Variants in MLX observed in about 807,000 individuals in gnomAD.
MLX encodes the protein MAX dimerization protein MLX.
A neutral mutation model predicts 33.0 loss-of-function variants in MLX; 15 were observed. The observed-to-expected ratio is 0.45, with a 90% CI of 0.30 to 0.70. MLX has a LOEUF of 0.70. MLX is among the 30% of genes least tolerant of loss of function. MLX has a pLI of 0.07. For missense variants in MLX, 285 were observed against 306.3 expected, an observed-to-expected ratio of 0.93 and a Z score of 0.52; for synonymous variants, 115 against 115.6, an observed-to-expected ratio of 0.99 and a Z score of 0.03.
rs1236755728 is a variant in MLX, at chr17:42,567,131, G to A, written c.7G>A (p.Glu3Lys). 2.4e-6 allele frequency: 3 copies of A among 1,260,472 alleles called. No individual in the cohort carries two copies. Among genetic ancestry groups the A allele is most frequent in the Non-Finnish European group, 3.0e-6 (3 of 1,003,106 alleles). The allele number at this position is 1,260,472 out of a possible 1,614,324, so 78.1% of individuals were successfully genotyped here. A position where few individuals can be genotyped will look rare whatever the true frequency, so the allele number is the denominator to read the frequency against. ...CCGGTCCGGTGGGTACAAGATGACG[G>A]AGCCGGGCGCCTCTCCCGAGGACCC... MT[E>K]PGASPEDPWV... The change falls in exon 1 of 8, where the codon GAG becomes AAG. Residue 3 changes from glutamate (E) to lysine (K), a missense_variant. Physicochemically the swap from Glu to Lys is moderately conservative, Grantham distance 56. Coordinates refer to ENST00000435881, the MANE Select transcript of MLX (RefSeq NM_198204.2).
intron 7 of MLX, 133 bp from the exon 8 acceptor site, chr17:42,571,414 A>G: frequency 1.1e-6 from 1 of 938,486 alleles, no homozygotes; most frequent in Non-Finnish European, 1.7e-6. Context: ...GGCGTGAGCC[A>G]CCACACCTGG....
chr17:42,568,892 G>T lies in MLX; in HGVS notation c.225G>T (p.Arg75=). 1 of 1,611,550 alleles carries T rather than the reference G, an allele frequency of 6.2e-7. No individual in the cohort carries two copies. Among genetic ancestry groups the T allele is most frequent in the South Asian group, 1.1e-5 (1 of 90,676 alleles). The change falls in exon 4 of 8, where the codon CGG becomes CGT. Residue 75 remains arginine, a synonymous_variant. Coordinates refer to ENST00000435881, the MANE Select transcript of MLX (RefSeq NM_198204.2). ...CCTACAAGGAGTCCTACAAAGACCG[G>T]CGGCGGCGCGCACACACTCAGGCTG... is the stretch of plus-strand genomic sequence containing the variant. ...QEAYKESYKD[R]RRRAHTQAEQ...
intron 3 of MLX, 60 bp from the exon 4 acceptor site, chr17:42,568,777 G>A: frequency 1.4e-6 from 2 of 1,443,334 alleles, no homozygotes. Flanking sequence ...GGAAAGGTGG[G>A]CTAGCTGGAC....
chr17:42,569,198 C>T lies in MLX; in HGVS notation c.277-6C>T. 1 of 1,613,506 alleles carries T rather than the reference C, an allele frequency of 6.2e-7. No individual in the cohort carries two copies. Among genetic ancestry groups the T allele is most frequent in the Non-Finnish European group, 8.5e-7 (1 of 1,179,558 alleles). ...AAAGAACCCATTTCCCCTGCTGTTT[C>T]CACAGAGAGGCTATGATGACCTTCA... On this transcript the variant is annotated splice_region_variant and splice_polypyrimidine_tract_variant and intron_variant, in intron 4 of 7. Coordinates refer to ENST00000435881, the MANE Select transcript of MLX (RefSeq NM_198204.2).
Position 42,567,180 on chromosome 17 carries a change from G to T in MLX, c.42+14G>T. On this transcript the variant is annotated intron_variant, in intron 1 of 7. Coordinates refer to ENST00000435881, the MANE Select transcript of MLX (RefSeq NM_198204.2). ...CCTTGGGTCAAGGCAAGCCCCGTGG[G>T]CGCGCACGCCGGCGAGGGGAGGGCG... is the stretch of plus-strand genomic sequence containing the variant. 1 of 1,294,136 alleles carries T rather than the reference G, an allele frequency of 7.7e-7. No individual in the cohort carries two copies. 80.2% of individuals were successfully genotyped at this position (1,294,136 alleles called of 1,614,324 possible). A position where few individuals can be genotyped will look rare whatever the true frequency, so the allele number is the denominator to read the frequency against.
rs2093034414 is a variant in MLX at position 42,571,816 on chromosome 17, A to C, written c.*213A>C. ...TTCTGATTAATTTATTATATTGACG[A>C]TAAAACTCAAACCTACCCAGCCTTC... is the stretch of plus-strand genomic sequence containing the variant. On this transcript the variant is annotated 3_prime_UTR_variant, in exon 8 of 8. Transcript: ENST00000435881. 3.5e-6 allele frequency: 2 copies of C among 573,228 alleles called. No individual in the cohort carries two copies. The highest frequency in any genetic ancestry group is 6.2e-6 in the Non-Finnish European group (2 of 320,620). 35.5% of individuals were successfully genotyped at this position (573,228 alleles called of 1,614,324 possible). A position where few individuals can be genotyped will look rare whatever the true frequency, so the allele number is the denominator to read the frequency against.
chr17:42,567,721 G>T, intron 2 of MLX, 66 bp downstream of exon 2: 1 of 1,609,662 alleles, frequency 6.2e-7, no homozygotes. Context: ...GATTCTTGTG[G>T]CGTTGCCAAC....
intron 3 of MLX, 40 bp from the exon 4 acceptor site, chr17:42,568,796 GC>G (rs2093019470): frequency 3.3e-6 from 5 of 1,533,618 alleles, no homozygotes; most frequent in Non-Finnish European, 3.6e-6. Flanking sequence ...ACCCCACTGG[GC>G]CCCAAGATGA....
In MLX at chr17:42,571,753, TA is replaced by T; in HGVS notation, c.*151del. Reference sequence around the variant, plus strand: ...TGTTTGGTTTTTCCCAGCCCCATTTTATCTTCAGCGGAGCCGCGGTGTTTGT... The same window carrying T: ...TGTTTGGTTTTTCCCAGCCCCATTTTTCTTCAGCGGAGCCGCGGTGTTTGT... On this transcript the variant is annotated 3_prime_UTR_variant, in exon 8 of 8. Transcript: ENST00000435881. 1.4e-6 allele frequency: 1 copy of T among 736,654 alleles called. No homozygotes were observed. The highest frequency in any genetic ancestry group is 2.4e-6 in the Non-Finnish European group (1 of 417,114). 45.6% of individuals were successfully genotyped at this position (736,654 alleles called of 1,614,324 possible). A position where few individuals can be genotyped will look rare whatever the true frequency, so the allele number is the denominator to read the frequency against.
intron 4 of MLX, 64 bp from the exon 5 acceptor site, chr17:42,569,140 C>A: frequency 6.7e-7 from 1 of 1,496,494 alleles, no homozygotes; most frequent in Non-Finnish European, 9.3e-7. Context: ...CATGGAGGAA[C>A]TTTGTGCCAT....
At position 42,572,526 on chromosome 17, in the gene MLX, G is replaced by T. The variant is rs998586438; in HGVS notation, c.*923G>T. 2.6e-5 allele frequency: 12 copies of T among 454,332 alleles called. No homozygotes were observed. The highest frequency in any genetic ancestry group is 2.2e-4 in the African/African-American group (11 of 49,968). 28.1% of individuals were successfully genotyped at this position (454,332 alleles called of 1,614,324 possible). On this transcript the variant is annotated 3_prime_UTR_variant, in exon 8 of 8. Transcript: ENST00000435881. ...AGGGCTCCTGGGGTACACAAGCCCA[G>T]CAGGTCCTGAGTGAAGCCGTGGGCC...
Position 42,567,655 on chromosome 17 carries a change from G to C in MLX, c.79G>C (p.Gly27Arg). Residue 27 changes from glycine (G) to arginine (R), a missense_variant and splice_region_variant, in exon 2 of 8, where the codon GGG becomes CGG. Coordinates refer to ENST00000435881, the MANE Select transcript of MLX (RefSeq NM_198204.2). ...YAYSDNSLDP[G>R]LFVESTRKGS... ...CTACAGCGACAACAGCCTGGACCCC[G>C]GTGAGTAGCTGCCCCATCTTAAGCT... The C allele has an allele frequency of 1.9e-6, 3 of 1,614,136 alleles. No individual in the cohort carries two copies. The highest frequency in any genetic ancestry group is 2.7e-5 in the African/African-American group (2 of 75,036).
chr17:42,572,585 A>T lies in MLX; in HGVS notation c.*982A>T. On this transcript the variant is annotated 3_prime_UTR_variant, in exon 8 of 8. Transcript: ENST00000435881. ...GCTCGTTTTATAGCAACCTCTCTCT[A>T]CCCTAGTTCTCCAAATTCACTTCTG... 1 of 452,702 alleles carries T rather than the reference A, an allele frequency of 2.2e-6. No individual in the cohort carries two copies. Among genetic ancestry groups the T allele is most frequent in the Non-Finnish European group, 4.4e-6 (1 of 226,046 alleles). 28.0% of individuals were successfully genotyped at this position (452,702 alleles called of 1,614,324 possible). A position where few individuals can be genotyped will look rare whatever the true frequency, so the allele number is the denominator to read the frequency against.
intron 1 of MLX, 89 bp downstream of exon 1, chr17:42,567,255 T>C: frequency 7.5e-7 from 1 of 1,336,626 alleles, no homozygotes; most frequent in Non-Finnish European, 9.6e-7. Flanking sequence ...GCTTCCCTCC[T>C]GTCCCCAAAG....
At chr17:42,569,387 C>T in intron 5 of MLX, 84 bp downstream of exon 5, 2 of 1,523,948 alleles carry the variant, frequency 1.3e-6, no homozygotes, top group Non-Finnish European at 1.8e-6. Context: ...CATGGCTCGG[C>T]CTTGGTGTGG....
chr17:42,569,327 G>A (rs1597718820), intron 5 of MLX, 24 bp downstream of exon 5: 2 of 1,608,626 alleles, frequency 1.2e-6, no homozygotes, highest in Non-Finnish European at 1.7e-6. Context: ...AAGCACTGGA[G>A]GGGATGGAGC....
Position 42,572,790 on chromosome 17 carries a change from C to A in MLX, c.*1187C>A, listed in dbSNP as rs1042935797. 10 of 756,218 alleles carry A rather than the reference C, an allele frequency of 1.3e-5. No homozygotes were observed. In the African/African-American group the frequency reaches 1.7e-4, roughly 13 times the overall value. The allele number at this position is 756,218 out of a possible 1,614,324, so 46.8% of individuals were successfully genotyped here. On this transcript the variant is annotated 3_prime_UTR_variant, in exon 8 of 8. Transcript: ENST00000435881. ...GAAATGGGCTGGGTCTACCCCCAGCCACCAGCCCTCATCCTCTCTACCCAG... is the reference window on the plus strand; with the variant it reads ...GAAATGGGCTGGGTCTACCCCCAGCAACCAGCCCTCATCCTCTCTACCCAG...
Position 42,567,142 on chromosome 17 carries a change from C to A in MLX, c.18C>A (p.Ala6=). 1 of 1,262,156 alleles carries A rather than the reference C, an allele frequency of 7.9e-7. No individual in the cohort carries two copies. The highest frequency in any genetic ancestry group is 1.0e-6 in the Non-Finnish European group (1 of 1,003,808). 78.2% of individuals were successfully genotyped at this position (1,262,156 alleles called of 1,614,324 possible). A position where few individuals can be genotyped will look rare whatever the true frequency, so the allele number is the denominator to read the frequency against. Residue 6 remains alanine (A), a synonymous_variant, in exon 1 of 8, where the codon GCC becomes GCA. Coordinates refer to ENST00000435881, the MANE Select transcript of MLX (RefSeq NM_198204.2). ...GGTACAAGATGACGGAGCCGGGCGC[C>A]TCTCCCGAGGACCCTTGGGTCAAGG... MTEPG[A]SPEDPWVKVE...
rs2143274793 is a variant in MLX, at chr17:42,572,050, G to A, written c.*447G>A. The A allele has an allele frequency of 3.9e-6, 1 of 253,822 alleles. No homozygotes were observed. Among genetic ancestry groups the A allele is most frequent in the East Asian group, 1.1e-4 (1 of 9,366 alleles). The allele number at this position is 253,822 out of a possible 1,614,324, so 15.7% of individuals were successfully genotyped here. ...CCCAAGTTTGGGCATTTTGGCAGTA[G>A]CTGTATGGGAGAAAAAGAGTAAGAG... On this transcript the variant is annotated 3_prime_UTR_variant, in exon 8 of 8. Transcript: ENST00000435881.
Sources: allele counts gnomAD v4.1 joint callset, GRCh38; gene constraint gnomAD v4.1.1; transcripts MANE v1.5; gene names NCBI Gene and HGNC (gene_info 2026-07-23, HGNC 2026-07-21).